Variants in ANK3 observed in about 807,000 individuals in gnomAD.
ANK3 encodes ankyrin 3, also known as ankyrin-3.
A neutral mutation model predicts 370.9 loss-of-function variants in ANK3; 57 were observed. That is an observed-to-expected ratio of 0.15 (90% confidence interval 0.12 to 0.19). The LOEUF is 0.19. ANK3 is among the 10% of genes least tolerant of loss of function. The pLI, the probability that ANK3 is intolerant of heterozygous loss-of-function variation, is 1.00. For missense variants in ANK3, 4,439 were observed against 5,302.1 expected (o/e 0.84, Z 5.06); for synonymous variants, 1,929 against 1,946.3 (o/e 0.99, Z 0.23).
rs138746786 is a variant in ANK3, at chr10:60,633,986, G to T, written c.58-18762C>A. 3.7e-4 allele frequency among the ~76,000 whole-genome samples: 56 copies of T among 152,268 alleles called. No individual in the cohort carries two copies. The East Asian group carries it at 0.011, about 29-fold the overall frequency. ...AAAGAAATAGAATACATATCTCATG[G>T]AACTTGTGTAAACTCCAATACTTTG... On this transcript the variant is annotated intron_variant, in intron 1 of 43. Transcript: ENST00000373827.
intron 43 of ANK3, among the ~76,000 whole-genome samples, chr10:60,030,929 A>G (rs1007786524): frequency 6.6e-6 from 1 of 152,106 alleles, no homozygotes; most frequent in African/African-American, 2.4e-5. Flanking sequence ...TGGGGAAGCC[A>G]TTTGTAGCCC....
At chr10:60,101,249 G>A (rs1306306540) in intron 28 of ANK3, among the ~76,000 whole-genome samples, 2 of 152,174 alleles carry the variant, frequency 1.3e-5, no homozygotes, top group Admixed American at 6.5e-5. Flanking sequence ...CCTGGAGCTA[G>A]TGGCTACTGT....
intron 10 of ANK3, 52 bp from the exon 11 acceptor site, chr10:60,205,942 G>T: frequency 8.7e-7 from 1 of 1,154,614 alleles, no homozygotes; most frequent in Non-Finnish European, 1.3e-6. Flanking sequence ...TCAAAATCCA[G>T]TTTCACTGTG....
At chr10:60,059,663 C>A in intron 40 of ANK3, 1 of 1,574,800 alleles carries the variant, frequency 6.4e-7, no homozygotes, top group Non-Finnish European at 8.6e-7. Context: ...CTTTTGGGGA[C>A]CCAGCCAAAT....
At chr10:60,479,154 A>G (rs1316895437) in intron 2 of ANK3, among the ~76,000 whole-genome samples, 2 of 152,262 alleles carry the variant, frequency 1.3e-5, no homozygotes, top group African/African-American at 4.8e-5. Flanking sequence ...GCATCATAGC[A>G]ACTGAATGAT....
chr10:60,085,056 T>A (rs2086309445), intron 31 of ANK3, 101 bp downstream of exon 31: 1 of 996,494 alleles, frequency 1.0e-6, no homozygotes, highest in Admixed American at 3.0e-5. Flanking sequence ...ATTTTTTTTC[T>A]CACAACAATT....
At chr10:60,530,757 C>T (rs946512797) in intron 2 of ANK3, among the ~76,000 whole-genome samples, 6 of 152,086 alleles carry the variant, frequency 3.9e-5, no homozygotes, top group Admixed American at 2.0e-4. Context: ...CTTAGCTCCA[C>T]TGTTTGCTAG....
chr10:60,692,411 G>T (rs2079368295), intron 1 of ANK3, among the ~76,000 whole-genome samples: 1 of 152,158 alleles, frequency 6.6e-6, no homozygotes, highest in Non-Finnish European at 1.5e-5. Flanking sequence ...CAAGGTTCAG[G>T]ATGACAAATC....
chr10:60,071,016 C>G lies in ANK3; in HGVS notation c.9865G>C (p.Glu3289Gln). Residue 3289 changes from glutamate (E) to glutamine (Q), a missense_variant, in exon 37 of 44, where the codon GAG (glutamate) becomes CAG (glutamine). Around this residue, in one of 13 missense-constraint regions of ANK3, gnomAD observed 1,601 missense variants for 1,731.7 expected, o/e 0.92. Transcript: ENST00000280772. ...TCAGCCAGCTGGTACTTGTCATGCT[C>G]ATCTTGCAGATTGACTTCAATCATG... ...VDMIEVNLQD[E>Q]HDKYQLAEPV... The G allele has an allele frequency of 6.2e-7, 1 of 1,614,134 alleles. No individual in the cohort carries two copies. Among genetic ancestry groups the G allele is most frequent in the African/African-American group, 1.3e-5 (1 of 75,046 alleles).
chr10:60,360,887 G>T (rs2058500739), intron 1 of ANK3, among the ~76,000 whole-genome samples: 2 of 151,872 alleles, frequency 1.3e-5, no homozygotes, highest in African/African-American at 4.8e-5. Flanking sequence ...TTCTACCTAT[G>T]ATCTACCCAT....
chr10:60,376,297 A>G (rs1001015636), intron 1 of ANK3, among the ~76,000 whole-genome samples: 6 of 152,236 alleles, frequency 3.9e-5, no homozygotes, highest in Admixed American at 2.6e-4. Flanking sequence ...AGTTTCCACT[A>G]AAGCTGAAAT....
At chr10:60,516,683 C>T (rs2076227018) in intron 2 of ANK3, among the ~76,000 whole-genome samples, 1 of 152,106 alleles carries the variant, frequency 6.6e-6, no homozygotes, top group African/African-American at 2.4e-5. Context: ...CAGAGGATCA[C>T]TTGAGCCCAG....
Position 60,537,616 on chromosome 10 carries a change from T to G in ANK3, c.96+77570A>C, listed in dbSNP as rs79310023. Among the ~76,000 whole-genome samples the G allele has an allele frequency of 5.2e-3, 783 of 152,038 alleles. 1 individual carries two copies. Among genetic ancestry groups the G allele is most frequent in the Non-Finnish European group, 9.0e-3 (612 of 67,894 alleles). On this transcript the variant is annotated intron_variant, in intron 2 of 43. Transcript: ENST00000373827. ...TAAATGATAAGCCTGCTTTTGAAATTTATGGAAGAAAATGGAAATTAATTT... is the reference window on the plus strand; with the variant it reads ...TAAATGATAAGCCTGCTTTTGAAATGTATGGAAGAAAATGGAAATTAATTT...
At chr10:60,347,555 A>T (rs1459077489) in intron 1 of ANK3, among the ~76,000 whole-genome samples, 1 of 152,066 alleles carries the variant, frequency 6.6e-6, no homozygotes, top group Non-Finnish European at 1.5e-5. Context: ...GAGGATAAAA[A>T]TATCCTACAG....
chr10:60,103,946 T>C (rs2091749249), intron 28 of ANK3, among the ~76,000 whole-genome samples: 1 of 152,160 alleles, frequency 6.6e-6, no homozygotes, highest in Non-Finnish European at 1.5e-5. Context: ...GGAACATGGA[T>C]GGAGCTGGAG....
At chr10:60,590,949 A>G (rs1335885992) in intron 2 of ANK3, among the ~76,000 whole-genome samples, 1 of 152,212 alleles carries the variant, frequency 6.6e-6, no homozygotes, top group African/African-American at 2.4e-5. Context: ...CCGTGGATAC[A>G]GAGGGCCAAC....
At chr10:60,518,087 C>T (rs1026217399) in intron 2 of ANK3, among the ~76,000 whole-genome samples, 17 of 152,130 alleles carry the variant, frequency 1.1e-4, no homozygotes, top group Non-Finnish European at 2.2e-4. Flanking sequence ...AGCCAAAATA[C>T]GTTAGCACCA....
chr10:60,539,156 A>AT (rs2076789908), intron 2 of ANK3, among the ~76,000 whole-genome samples: 1 of 151,956 alleles, frequency 6.6e-6, no homozygotes, highest in Non-Finnish European at 1.5e-5. Context: ...ACTACCATTA[A>AT]TACTTGAAAT....
chr10:60,318,446 G>A (rs1369085736), intron 1 of ANK3, among the ~76,000 whole-genome samples: 3 of 152,100 alleles, frequency 2.0e-5, no homozygotes, highest in Non-Finnish European at 4.4e-5. Context: ...TGTAGATAAT[G>A]GGATCGACTT....
Sources: allele counts gnomAD v4.1 joint callset (sites outside exome capture counted in the v4.1 genomes callset), GRCh38; gene constraint gnomAD v4.1.1; regional missense constraint gnomAD v4.1.1; transcripts MANE v1.5; gene names NCBI Gene and HGNC (gene_info 2026-07-23, HGNC 2026-07-21).